Variants in RSRC1 observed in about 807,000 individuals in gnomAD.
The protein encoded by RSRC1 is arginine and serine rich coiled-coil 1.
In RSRC1, 39 loss-of-function variants were observed where a neutral mutation model predicts 49.1. The observed-to-expected ratio is 0.79, with a 90% CI of 0.61 to 1.04. The LOEUF is 1.04. Ranked by LOEUF, RSRC1 falls within the 50% of genes least tolerant of loss-of-function variation. The pLI, the probability that RSRC1 is intolerant of heterozygous loss-of-function variation, is 0.00. For synonymous variants in RSRC1, 143 were observed against 130.8 expected (o/e 1.09, Z -0.63); for missense variants, 388 against 402.4 (o/e 0.96, Z 0.31).
intron 5 of RSRC1, among the ~76,000 whole-genome samples, chr3:158,336,941 A>G (rs1019483869): frequency 6.6e-6 from 1 of 152,184 alleles, no homozygotes; most frequent in Non-Finnish European, 1.5e-5. Context: ...GGATGCTTAC[A>G]GACTTGTTAG....
At chr3:158,413,377 A>C (rs1279287007) in intron 6 of RSRC1, among the ~76,000 whole-genome samples, 1 of 152,186 alleles carries the variant, frequency 6.6e-6, no homozygotes, top group Non-Finnish European at 1.5e-5. Context: ...ACCCAAAACT[A>C]TAAAAACCCT....
intron 7 of RSRC1, chr3:158,469,424 G>A (rs1300928626): frequency 2.3e-6 from 1 of 434,344 alleles, no homozygotes; most frequent in East Asian, 7.1e-5. Flanking sequence ...TCCTGTCTGT[G>A]GAATCAGAAG....
chr3:158,316,218 A>AT (rs1395169889), intron 5 of RSRC1, among the ~76,000 whole-genome samples: 1 of 152,038 alleles, frequency 6.6e-6, no homozygotes, highest in Non-Finnish European at 1.5e-5. Context: ...TTAACAAACA[A>AT]TTCTTAGACA....
intron 6 of RSRC1, among the ~76,000 whole-genome samples, chr3:158,409,031 T>TGAA (rs1468084115): frequency 1.3e-5 from 2 of 151,754 alleles, no homozygotes; most frequent in Non-Finnish European, 2.9e-5. Flanking sequence ...AGATTCCGTC[T>TGAA]GAATAATAAT....
intron 4 of RSRC1, among the ~76,000 whole-genome samples, chr3:158,205,930 G>A (rs779528695): frequency 6.6e-6 from 1 of 152,158 alleles, no homozygotes; most frequent in Non-Finnish European, 1.5e-5. Context: ...GCTGCAAGTT[G>A]GAGAAGATTG....
chr3:158,295,232 G>A (rs1361276586), intron 4 of RSRC1, among the ~76,000 whole-genome samples: 1 of 149,536 alleles, frequency 6.7e-6, no homozygotes, highest in Non-Finnish European at 1.5e-5. Context: ...GGGAAGATTA[G>A]AGGAGGCTGG....
intron 3 of RSRC1, among the ~76,000 whole-genome samples, chr3:158,171,235 G>GC (rs1718863916): frequency 6.6e-6 from 1 of 152,142 alleles, no homozygotes; most frequent in African/African-American, 2.4e-5. Flanking sequence ...TGGACTGATT[G>GC]CTTGCTAAAA....
chr3:158,439,121 C>T (rs1179245631), intron 6 of RSRC1, among the ~76,000 whole-genome samples: 1 of 152,164 alleles, frequency 6.6e-6, no homozygotes, highest in East Asian at 1.9e-4. Context: ...GAGATACCAT[C>T]TCACACCAGT....
intron 6 of RSRC1, among the ~76,000 whole-genome samples, chr3:158,411,174 CTTTT>C (rs757081387): frequency 5.5e-4 from 83 of 152,124 alleles, no homozygotes; most frequent in Non-Finnish European, 7.5e-4. Context: ...ATATTACAAA[CTTTT>C]TTTAACCGAA....
rs577912009 is a variant in RSRC1 at position 158,516,222 on chromosome 3, G to A, written c.653-20870G>A. Among the ~76,000 whole-genome samples, 188 of 152,182 alleles carry A rather than the reference G, an allele frequency of 1.2e-3. 2 individuals are homozygous for A. Among genetic ancestry groups the A allele is most frequent in the Non-Finnish European group, 1.4e-3 (93 of 68,004 alleles). ...TCTGCTCTGTTTTTTCCCCATCTTTGTGGTTTTATCTACTTTTGGTCTTTG... is the reference window on the plus strand; with the variant it reads ...TCTGCTCTGTTTTTTCCCCATCTTTATGGTTTTATCTACTTTTGGTCTTTG... On this transcript the variant is annotated intron_variant, in intron 7 of 9. Transcript: ENST00000611884.
At chr3:158,530,898 A>T (rs1297135078) in intron 7 of RSRC1, among the ~76,000 whole-genome samples, 2 of 141,460 alleles carry the variant, frequency 1.4e-5, no homozygotes, top group African/African-American at 5.4e-5. Flanking sequence ...GTATAATAAA[A>T]AAAAAAATAA....
chr3:158,537,690 A>G (rs1712791715), intron 8 of RSRC1, among the ~76,000 whole-genome samples: 1 of 151,580 alleles, frequency 6.6e-6, no homozygotes, highest in Non-Finnish European at 1.5e-5. Context: ...TCCATTGAAT[A>G]TTTTATTCTT....
intron 3 of RSRC1, among the ~76,000 whole-genome samples, chr3:158,129,323 T>C (rs988272153): frequency 7.3e-6 from 1 of 137,220 alleles, no homozygotes; most frequent in African/African-American, 2.8e-5. Context: ...AGACTGAGTC[T>C]CTATTGCCGA....
At chr3:158,227,153 G>A (rs1722573530) in intron 4 of RSRC1, among the ~76,000 whole-genome samples, 2 of 151,650 alleles carry the variant, frequency 1.3e-5, no homozygotes, top group South Asian at 4.2e-4. Context: ...ATTTTCAACT[G>A]CTTGGGGATG....
intron 4 of RSRC1, among the ~76,000 whole-genome samples, chr3:158,243,303 G>T (rs1277154720): frequency 1.3e-5 from 2 of 152,064 alleles, no homozygotes; most frequent in Non-Finnish European, 2.9e-5. Context: ...TATTAAATAG[G>T]GAATCCTTTC....
rs1559932180 is a variant in RSRC1, at chr3:158,180,919, T to C, written c.321-22153T>C. On this transcript the variant is annotated intron_variant, in intron 3 of 9. Transcript: ENST00000611884. ...TCCCAGGTTCAAGCAATTCTCCTGC[T>C]TTAGTCTCCCGAGTAGCTGGGATTT... is the stretch of plus-strand genomic sequence containing the variant. Among the ~76,000 whole-genome samples the C allele has an allele frequency of 6.7e-5, 10 of 150,042 alleles. No homozygotes were observed. The Admixed American group carries it at 6.7e-4, about 10-fold the overall frequency.
chr3:158,466,046 C>G (rs1340296979), intron 7 of RSRC1, among the ~76,000 whole-genome samples: 1 of 152,164 alleles, frequency 6.6e-6, no homozygotes, highest in African/African-American at 2.4e-5. Context: ...TCTGCAAGAA[C>G]TTGATTGATA....
At chr3:158,345,311 G>A (rs1407137871) in intron 5 of RSRC1, among the ~76,000 whole-genome samples, 1 of 151,952 alleles carries the variant, frequency 6.6e-6, no homozygotes, top group Non-Finnish European at 1.5e-5. Flanking sequence ...GTGTATGTTG[G>A]TCTAAAAATT....
chr3:158,287,368 A>G (rs894731252), intron 4 of RSRC1, among the ~76,000 whole-genome samples: 3 of 152,172 alleles, frequency 2.0e-5, no homozygotes, highest in Admixed American at 6.5e-5. Context: ...AATAGAATGC[A>G]TGAATTTATT....
Sources: gnomAD v4.1 joint callset for allele counts (sites outside exome capture counted in the v4.1 genomes callset) on GRCh38, gnomAD v4.1.1 for gene constraint, MANE v1.5 for transcripts, NCBI Gene and HGNC (gene_info 2026-07-23, HGNC 2026-07-21) for gene names.